Variants in BARD1 observed in about 807,000 individuals in gnomAD.
The protein encoded by BARD1 is BRCA1-associated RING domain protein 1.
A neutral mutation model predicts 77.0 loss-of-function variants in BARD1; 73 were observed. That is an observed-to-expected ratio of 0.95 (90% confidence interval 0.79 to 1.15). BARD1 has a LOEUF of 1.15. BARD1 is among the 50% of genes most tolerant of loss of function. BARD1 has a pLI of 0.00. For missense variants in BARD1, 993 were observed against 938.8 expected, an observed-to-expected ratio of 1.06 and a Z score of -0.75; for synonymous variants, 384 against 338.0, an observed-to-expected ratio of 1.14 and a Z score of -1.49.
At chr2:214,746,449 G>C (rs1693120915) in intron 7 of BARD1, among the ~76,000 whole-genome samples, 1 of 152,096 alleles carries the variant, frequency 6.6e-6, no homozygotes, top group Non-Finnish European at 1.5e-5. Flanking sequence ...TAAGAAAGAA[G>C]TGCTGTAACA....
rs1008417978 is a variant in BARD1, at chr2:214,726,898, T to C, written c.*1778A>G. 1.7e-5 allele frequency: 4 copies of C among 228,942 alleles called. No individual in the cohort carries two copies. Among genetic ancestry groups the C allele is most frequent in the African/African-American group, 8.9e-5 (4 of 45,126 alleles). 14.2% of individuals were successfully genotyped at this position (228,942 alleles called of 1,614,324 possible). On this transcript the variant is annotated 3_prime_UTR_variant, in exon 11 of 11. Coordinates refer to ENST00000260947, the MANE Select transcript of BARD1 (RefSeq NM_000465.4). ...AACTAAGAGACCTCATAGGTGTCTT[T>C]ACAATCAGGAATTCAGATGCAAGGA...
At chr2:214,793,680 C>G (rs1574842102) in intron 2 of BARD1, among the ~76,000 whole-genome samples, 1 of 152,080 alleles carries the variant, frequency 6.6e-6, no homozygotes, top group South Asian at 2.1e-4. Context: ...CACTAGTACT[C>G]AGATCAGACT....
intron 3 of BARD1, among the ~76,000 whole-genome samples, chr2:214,789,224 G>A (rs887333241): frequency 6.6e-6 from 1 of 151,888 alleles, no homozygotes; most frequent in South Asian, 2.1e-4. Context: ...TTCTAAGAAT[G>A]TATTTTAAAA....
intron 7 of BARD1, among the ~76,000 whole-genome samples, chr2:214,751,839 G>A (rs377423036): frequency 1.3e-5 from 2 of 152,030 alleles, no homozygotes; most frequent in African/African-American, 2.4e-5. Flanking sequence ...TAATCTATCC[G>A]AAAGTCCCGT....
chr2:214,744,998 G>T, intron 9 of BARD1, 69 bp downstream of exon 9: 2 of 1,282,260 alleles, frequency 1.6e-6, no homozygotes, highest in Non-Finnish European at 2.3e-6. Context: ...CTTAATCACA[G>T]GCATTAATAA....
chr2:214,770,882 T>C (rs569862728), intron 4 of BARD1, among the ~76,000 whole-genome samples: 5 of 152,364 alleles, frequency 3.3e-5, no homozygotes, highest in Admixed American at 6.5e-5. Flanking sequence ...AGCTATCTAA[T>C]ACCAGGGTCT....
intron 4 of BARD1, among the ~76,000 whole-genome samples, chr2:214,780,255 G>C (rs1019194178): frequency 6.6e-6 from 1 of 152,128 alleles, no homozygotes; most frequent in Non-Finnish European, 1.5e-5. Flanking sequence ...CATGAAGACA[G>C]GTAAACAAAA....
At chr2:214,807,822 G>A (rs6435862) in intron 1 of BARD1, among the ~76,000 whole-genome samples, 2 of 152,100 alleles carry the variant, frequency 1.3e-5, no homozygotes, top group Non-Finnish European at 2.9e-5. Flanking sequence ...AGTGAAGCCC[G>A]ATGCTTCCAC....
chr2:214,779,529 A>C (rs539118080), intron 4 of BARD1, among the ~76,000 whole-genome samples: 1 of 152,342 alleles, frequency 6.6e-6, no homozygotes, highest in African/African-American at 2.4e-5. Flanking sequence ...AAGAAAAGCA[A>C]GGAAAACAAA....
Position 214,733,288 on chromosome 2 carries a change from G to A in BARD1, c.1904-2780C>T, listed in dbSNP as rs768159254. Among the ~76,000 whole-genome samples, 3 of 152,196 alleles carry A rather than the reference G, an allele frequency of 2.0e-5. No individual in the cohort carries two copies. The East Asian group carries it at 5.8e-4, about 29-fold the overall frequency. ...GTTTTGGATTTTGGAATATTTGCAC[G>A]TACATAATTAGGTATATCTTGGCAA... On this transcript the variant is annotated intron_variant, in intron 9 of 10. Transcript: ENST00000260947.
At chr2:214,774,367 T>C (rs902418915) in intron 4 of BARD1, among the ~76,000 whole-genome samples, 1 of 152,208 alleles carries the variant, frequency 6.6e-6, no homozygotes, top group African/African-American at 2.4e-5. Flanking sequence ...AATGCTTAAG[T>C]AACAAGACTT....
chr2:214,764,009 C>G (rs151197501), intron 6 of BARD1, among the ~76,000 whole-genome samples: 1 of 152,300 alleles, frequency 6.6e-6, no homozygotes, highest in Non-Finnish European at 1.5e-5. Context: ...CACAATCCCA[C>G]AAAAAGTAAC....
chr2:214,730,293 A>T (rs895180987), intron 10 of BARD1, 118 bp downstream of exon 10: 2 of 840,170 alleles, frequency 2.4e-6, no homozygotes, highest in Admixed American at 4.0e-5. Flanking sequence ...TGAAATAAGC[A>T]CAATTAAAAT....
chr2:214,754,890 T>G (rs921912637), intron 6 of BARD1, among the ~76,000 whole-genome samples: 1 of 152,160 alleles, frequency 6.6e-6, no homozygotes, highest in African/African-American at 2.4e-5. Flanking sequence ...AATCCAGTCA[T>G]GTTGCTTCTG....
chr2:214,775,549 G>T (rs993842629), intron 4 of BARD1, among the ~76,000 whole-genome samples: 6 of 152,148 alleles, frequency 3.9e-5, no homozygotes, highest in Non-Finnish European at 8.8e-5. Context: ...CTGAAATATT[G>T]TGAGAATTAC....
chr2:214,771,452 A>G (rs1694484344), intron 4 of BARD1, among the ~76,000 whole-genome samples: 1 of 151,990 alleles, frequency 6.6e-6, no homozygotes. Context: ...TTTGCTGGCC[A>G]GACGTGGTGG....
At position 214,780,846 on chromosome 2, in the gene BARD1, G is replaced by A. The variant is rs201032007; in HGVS notation, c.1028C>T (p.Thr343Ile). 200 of 1,614,100 alleles carry A rather than the reference G, an allele frequency of 1.2e-4. No homozygotes were observed. Among genetic ancestry groups the A allele is most frequent in the Admixed American group, 4.8e-4 (29 of 60,010 alleles). The change falls in exon 4 of 11, where the codon ACC becomes ATC. Residue 343 changes from threonine (T) to isoleucine (I), a missense_variant. By Grantham distance (89) the Thr-to-Ile change is moderately conservative. Coordinates refer to ENST00000260947, the MANE Select transcript of BARD1 (RefSeq NM_000465.4). The part of the protein sequence containing the change: ...SKRCRTSILS[T>I]SGDFVKQTVP... ...CGTTTGCTTAACAAAATCTCCACTG[G>A]TGCTCAGAATGCTGGTTCTACATCT...
At chr2:214,809,301 C>T in intron 1 of BARD1, 111 bp downstream of exon 1, 1 of 1,483,866 alleles carries the variant, frequency 6.7e-7, no homozygotes, top group Non-Finnish European at 9.1e-7. Flanking sequence ...GCCGACCCGA[C>T]TGCAGCGCGG....
intron 9 of BARD1, among the ~76,000 whole-genome samples, chr2:214,732,109 G>A (rs1574710562): frequency 6.6e-6 from 1 of 152,078 alleles, no homozygotes; most frequent in African/African-American, 2.4e-5. Flanking sequence ...CATATATGTT[G>A]GATATACTAC....
Sources: gnomAD v4.1 joint callset for allele counts (sites outside exome capture counted in the v4.1 genomes callset) on GRCh38, gnomAD v4.1.1 for gene constraint, MANE v1.5 for transcripts, NCBI Gene and HGNC (gene_info 2026-07-23, HGNC 2026-07-21) for gene names.